The following NDRG2 variants were observed in gnomAD, a reference collection of about 807,000 sequenced individuals.
NDRG2 encodes protein NDRG2.
Under a neutral mutation model 58.2 loss-of-function variants are expected in NDRG2, and 34 were observed. That is an observed-to-expected ratio of 0.58 (90% confidence interval 0.44 to 0.78). The LOEUF is 0.78. Ranked by LOEUF, NDRG2 falls within the 30% of genes least tolerant of loss-of-function variation. NDRG2 has a pLI of 0.00. For synonymous variants in NDRG2, 187 were observed against 175.9 expected, an observed-to-expected ratio of 1.06 and a Z score of -0.50; for missense variants, 434 against 471.2, an observed-to-expected ratio of 0.92 and a Z score of 0.73.
At chr14:21,033,294 G>A (rs527823218) in intron 1 of NDRG2, 36 of 313,534 alleles carry the variant, frequency 1.1e-4, no homozygotes, top group Non-Finnish European at 1.9e-4. Context: ...GGGGTTGTGG[G>A]GAAGTGAGGC....
At chr14:21,022,334 T>C in intron 4 of NDRG2, 58 bp downstream of exon 4, 2 of 1,581,678 alleles carry the variant, frequency 1.3e-6, no homozygotes, top group Non-Finnish European at 1.7e-6. Context: ...GTTTCATTTC[T>C]ACCCTTCCCC....
At chr14:21,030,321 G>C (rs1412145890), upstream of NDRG2, 2 of 460,962 alleles carry the variant, frequency 4.3e-6, no homozygotes, top group Non-Finnish European at 7.9e-6. Context: ...AAAAGAGGTA[G>C]GGGAAAGAGA....
upstream of NDRG2, among the ~76,000 whole-genome samples, chr14:21,026,412 C>G (rs1883633912): frequency 6.6e-6 from 1 of 151,348 alleles, no homozygotes; most frequent in Non-Finnish European, 1.5e-5. Flanking sequence ...GGAACAATGG[C>G]CAATGGAACT....
At chr14:21,035,108 A>G (rs1019060963) in intron 1 of NDRG2, among the ~76,000 whole-genome samples, 2 of 152,226 alleles carry the variant, frequency 1.3e-5, no homozygotes, top group South Asian at 2.1e-4. Flanking sequence ...CCAGGAGGGC[A>G]TGTACTCAGG....
intron 1 of NDRG2, chr14:21,034,023 C>T: frequency 6.2e-7 from 1 of 1,614,140 alleles, no homozygotes; most frequent in East Asian, 2.2e-5. Flanking sequence ...GAAGCTGTCA[C>T]TATACTTGCA....
intron 1 of NDRG2, chr14:21,032,726 G>A: frequency 2.8e-6 from 1 of 363,260 alleles, no homozygotes; most frequent in Non-Finnish European, 5.3e-6. Flanking sequence ...GGTAGCTCAG[G>A]AAGATGGCCA....
chr14:21,021,803 C>T lies in NDRG2; in HGVS notation c.407+14G>A. 2 of 1,609,984 alleles carry T rather than the reference C, an allele frequency of 1.2e-6. No individual in the cohort carries two copies. The highest frequency in any genetic ancestry group is 1.7e-6 in the Non-Finnish European group (2 of 1,177,984). On this transcript the variant is annotated intron_variant, in intron 6 of 15. Coordinates refer to ENST00000556147, the MANE Select transcript of NDRG2 (RefSeq NM_001320329.2). Reference sequence around the variant, plus strand: ...AAGAGAACTCTGGTTTGGAGGGGTTCCCAGGCCTCTCACTTTAGGTACTGC... The same window carrying T: ...AAGAGAACTCTGGTTTGGAGGGGTTTCCAGGCCTCTCACTTTAGGTACTGC...
chr14:21,065,169 CAA>C (rs56361526), intron 1 of NDRG2, among the ~76,000 whole-genome samples: 1 of 135,264 alleles, frequency 7.4e-6, no homozygotes. Context: ...AACTCCATCT[CAA>C]AAAAAAAAAA....
In NDRG2 at chr14:21,017,455, GC is replaced by G. The variant is rs1877337552; in HGVS notation, c.*140del. The G allele has an allele frequency of 2.2e-6, 2 of 918,440 alleles. No individual in the cohort carries two copies. The highest frequency in any genetic ancestry group is 3.4e-5 in the African/African-American group (2 of 59,456). The allele number at this position is 918,440 out of a possible 1,614,324, so 56.9% of individuals were successfully genotyped here. ...CGGGTTAAAGGTCAAGGTTAGGGTA[GC>G]AATCAAAGATCAAGGTCATCTCCCC... On this transcript the variant is annotated 3_prime_UTR_variant, in exon 16 of 16. Coordinates refer to ENST00000556147, the MANE Select transcript of NDRG2 (RefSeq NM_001320329.2).
At position 21,039,075 on chromosome 14, in the gene NDRG2, G is replaced by C. The variant is rs1280362713; in HGVS notation, c.25-15754C>G. Among the ~76,000 whole-genome samples the C allele has an allele frequency of 2.0e-5, 3 of 152,314 alleles. No individual in the cohort carries two copies. The East Asian group carries it at 5.8e-4, about 29-fold the overall frequency. The stretch of plus-strand genomic sequence containing the variant: ...AGGGAACTCTCACGGGCTTTCCATT[G>C]GTATCCAGAGGCTGTGTGGAACTCC... On this transcript the variant is annotated intron_variant, in intron 1 of 14. Transcript: ENST00000403829.
At chr14:21,018,563 A>G (rs1297049837) in intron 12 of NDRG2, 59 bp from the exon 13 acceptor site, 8 of 1,596,502 alleles carry the variant, frequency 5.0e-6, no homozygotes, top group African/African-American at 4.0e-5. Context: ...CCTCCCCCGT[A>G]AGGGACCCAG....
At chr14:21,048,284 T>C (rs1397048620) in intron 1 of NDRG2, 2 of 152,002 alleles carry the variant, frequency 1.3e-5, no homozygotes, top group Non-Finnish European at 2.9e-5. Flanking sequence ...CCAAAACCAG[T>C]AAGCTTGGGA....
chr14:21,028,174 G>A (rs978784760), upstream of NDRG2, among the ~76,000 whole-genome samples: 6 of 152,126 alleles, frequency 3.9e-5, no homozygotes, highest in Non-Finnish European at 8.8e-5. Context: ...CAAGTGTATA[G>A]CAATTAGGCC....
chr14:21,020,497 T>C lies in NDRG2; in HGVS notation c.554A>G (p.Lys185Arg). 6.2e-7 allele frequency: 1 copy of C among 1,604,844 alleles called. No individual in the cohort carries two copies. Among genetic ancestry groups the C allele is most frequent in the African/African-American group, 1.3e-5 (1 of 74,504 alleles). The change falls in exon 8 of 16, where the codon AAG becomes AGG. Residue 185 changes from lysine (K) to arginine (R), a missense_variant and splice_region_variant. By Grantham distance (26) the Lys-to-Arg change is conservative. Transcript: ENST00000556147. ...CTCAGCACACAGGCCCCTCCAAACC[T>C]TGTGGGCTGCCCAATCCATCCAACC... ...AKGWMDWAAH[K>R]LTGLTSSIPE...
chr14:21,045,559 G>A (rs1213575181), intron 1 of NDRG2, among the ~76,000 whole-genome samples: 2 of 152,104 alleles, frequency 1.3e-5, no homozygotes, highest in Non-Finnish European at 2.9e-5. Context: ...TGGGGCAGCC[G>A]ATTTTTCTCT....
chr14:21,021,784 A>C (rs751023525), intron 6 of NDRG2, 33 bp downstream of exon 6: 1 of 1,602,490 alleles, frequency 6.2e-7, no homozygotes, highest in Admixed American at 1.7e-5. Flanking sequence ...TGGAAAGAGA[A>C]CTCTGGTTTG....
rs762459379 is a variant in NDRG2 at position 21,058,002 on chromosome 14, G to A, written c.24+12826C>T. On this transcript the variant is annotated intron_variant, in intron 1 of 14. Coordinates refer to the NDRG2 transcript ENST00000403829. The stretch of plus-strand genomic sequence containing the variant: ...CCCAAGGACATGACATCATCTCAGT[G>A]GTTTAAAACTCAGCATGTGCAGCCC... The A allele has an allele frequency of 2.5e-6, 4 of 1,613,988 alleles. No individual in the cohort carries two copies. In the African/African-American group the frequency reaches 5.3e-5, roughly 22 times the overall value.
intron 1 of NDRG2, chr14:21,057,726 G>T: frequency 1.6e-6 from 1 of 619,048 alleles, no homozygotes; most frequent in South Asian, 2.0e-5. Context: ...TTATCTGCTG[G>T]TACTAAACAA....
chr14:21,019,965 G>A lies in NDRG2; in HGVS notation c.567C>T (p.Leu189=), dbSNP rs779357659. 6.2e-7 allele frequency: 1 copy of A among 1,613,852 alleles called. No homozygotes were observed. Among genetic ancestry groups the A allele is most frequent in the Non-Finnish European group, 8.5e-7 (1 of 1,180,000 alleles). The change falls in exon 9 of 16, where the codon CTC becomes CTT. Residue 189 remains leucine, a synonymous_variant. Coordinates refer to ENST00000556147, the MANE Select transcript of NDRG2 (RefSeq NM_001320329.2). Reference sequence around the variant, plus strand: ...GGATCATCTCCGGAATGGAAGAGGTGAGGCCTGTTAGCTATGAGGAGAAGG... The same window carrying A: ...GGATCATCTCCGGAATGGAAGAGGTAAGGCCTGTTAGCTATGAGGAGAAGG... The part of the protein sequence containing the change: ...MDWAAHKLTG[L]TSSIPEMILG...
Sources: gnomAD v4.1 joint callset for allele counts (sites outside exome capture counted in the v4.1 genomes callset) on GRCh38, gnomAD v4.1.1 for gene constraint, MANE v1.5 for transcripts, NCBI Gene and HGNC (gene_info 2026-07-23, HGNC 2026-07-21) for gene names.